NTRK3: variants seen among roughly 807,000 people sequenced by gnomAD.
NTRK3 encodes the protein neurotrophic receptor tyrosine kinase 3.
Under a neutral mutation model 91.7 loss-of-function variants are expected in NTRK3, and 24 were observed. That is an observed-to-expected ratio of 0.26 (90% CI 0.19 to 0.37). NTRK3 has a LOEUF of 0.37. Among genes scored for constraint, NTRK3 ranks in the 10% least tolerant of loss-of-function variants. NTRK3 has a pLI of 1.00. For missense variants in NTRK3, 880 were observed against 1,068.9 expected (o/e 0.82, Z 2.46); for synonymous variants, 483 against 404.0 (o/e 1.20, Z -2.34).
chr15:88,194,950 G>T (rs948747784), intron 3 of NTRK3, among the ~76,000 whole-genome samples: 2 of 152,164 alleles, frequency 1.3e-5, no homozygotes, highest in African/African-American at 2.4e-5. Flanking sequence ...CTTCTCCAGA[G>T]AAGCCTTCCC....
At chr15:88,112,964 G>T (rs999197577) in intron 13 of NTRK3, among the ~76,000 whole-genome samples, 1 of 152,152 alleles carries the variant, frequency 6.6e-6, no homozygotes. Context: ...CTTAGGCTGG[G>T]GGCTTAGAGG....
intron 14 of NTRK3, among the ~76,000 whole-genome samples, chr15:88,026,319 C>T (rs1003991079): frequency 3.9e-5 from 6 of 151,992 alleles, no homozygotes; most frequent in Non-Finnish European, 8.8e-5. Flanking sequence ...AATAAATGAG[C>T]GATCAAGCCA....
rs76633118 is a variant in NTRK3 at position 88,005,464 on chromosome 15, C to T, written c.1585+27393G>A. 1.7e-3 allele frequency among the ~76,000 whole-genome samples: 256 copies of T among 152,256 alleles called. 2 individuals carry two copies. The highest frequency in any genetic ancestry group is 5.8e-3 in the African/African-American group (239 of 41,552). On this transcript the variant is annotated intron_variant, in intron 14 of 18. Transcript: ENST00000394480. ...CTGCCCTTAAAGCCTAAAGTCTGTC[C>T]GCCCTAAAACACACTGTTCTGCATG...
intron 6 of NTRK3, among the ~76,000 whole-genome samples, chr15:88,146,939 CTTA>C (rs1212665722): frequency 2.6e-5 from 4 of 152,060 alleles, no homozygotes; most frequent in African/African-American, 9.7e-5. Context: ...ATATCTACCT[CTTA>C]TGACTCTTAT....
At chr15:87,891,871 C>T (rs1481112413) in intron 17 of NTRK3, among the ~76,000 whole-genome samples, 1 of 152,088 alleles carries the variant, frequency 6.6e-6, no homozygotes, top group East Asian at 1.9e-4. Flanking sequence ...TCTAGAATTT[C>T]CGTGCCATGT....
At position 87,860,932 on chromosome 15, in the gene NTRK3, A is replaced by G. The variant is rs145130406; in HGVS notation, c.*16003T>C. The stretch of plus-strand genomic sequence containing the variant: ...ACTGCTGTGGTCAACGTCTCCACCC[A>G]TAAATGATGACTTGGCAATACTGTA... On this transcript the variant is annotated 3_prime_UTR_variant, in exon 19 of 19. Coordinates refer to ENST00000394480, the Ensembl canonical transcript of NTRK3. 7.5e-4 allele frequency: 168 copies of G among 222,898 alleles called. 1 individual carries two copies. The East Asian group carries it at 0.01, about 14-fold the overall frequency. The allele number at this position is 222,898 out of a possible 1,614,324, so 13.8% of individuals were successfully genotyped here.
intron 13 of NTRK3, among the ~76,000 whole-genome samples, chr15:88,119,859 T>C (rs1243748892): frequency 6.6e-6 from 1 of 152,214 alleles, no homozygotes; most frequent in Non-Finnish European, 1.5e-5. Context: ...ACTATTTTAC[T>C]CAACAATACC....
intron 5 of NTRK3, among the ~76,000 whole-genome samples, chr15:88,166,528 G>C (rs901402114): frequency 1.3e-5 from 2 of 152,240 alleles, no homozygotes; most frequent in African/African-American, 4.8e-5. Context: ...CAGGAGGAAA[G>C]GGAGGGCTCC....
intron 14 of NTRK3, among the ~76,000 whole-genome samples, chr15:88,006,583 G>A (rs1233728317): frequency 6.6e-6 from 1 of 152,220 alleles, no homozygotes; most frequent in Non-Finnish European, 1.5e-5. Context: ...GCTTCAGGTG[G>A]AAATAAGAGA....
intron 18 of NTRK3, among the ~76,000 whole-genome samples, chr15:87,878,385 T>C (rs2065049235): frequency 6.6e-6 from 1 of 152,212 alleles, no homozygotes; most frequent in African/African-American, 2.4e-5. Context: ...GGTCAAACCA[T>C]CACTGTGTCA....
At chr15:88,133,095 T>C (rs1445962857) in intron 10 of NTRK3, among the ~76,000 whole-genome samples, 2 of 152,112 alleles carry the variant, frequency 1.3e-5, no homozygotes, top group African/African-American at 4.8e-5. Flanking sequence ...GCTTGAGAAC[T>C]TAAGTTTTAA....
intron 7 of NTRK3, among the ~76,000 whole-genome samples, chr15:88,136,833 T>C (rs1049079975): frequency 2.0e-5 from 3 of 152,202 alleles, no homozygotes; most frequent in Non-Finnish European, 2.9e-5. Flanking sequence ...GTCTCCCACA[T>C]TGCAGCGGCA....
chr15:88,209,046 A>T (rs2141390540), intron 3 of NTRK3, among the ~76,000 whole-genome samples: 1 of 152,364 alleles, frequency 6.6e-6, no homozygotes, highest in South Asian at 2.1e-4. Context: ...ATCTATGTGT[A>T]ATTATAATGG....
chr15:87,980,566 T>G (rs1255951439), intron 14 of NTRK3, among the ~76,000 whole-genome samples: 1 of 152,186 alleles, frequency 6.6e-6, no homozygotes, highest in Non-Finnish European at 1.5e-5. Context: ...TGTGTGTGAA[T>G]ATGTGCACAG....
intron 3 of NTRK3, among the ~76,000 whole-genome samples, chr15:88,244,995 G>A (rs1403917082): frequency 1.3e-5 from 2 of 152,200 alleles, no homozygotes; most frequent in African/African-American, 4.8e-5. Flanking sequence ...GTAGTTAAAG[G>A]CTTTGCCTGG....
chr15:87,994,859 T>C (rs2075570828), intron 14 of NTRK3, among the ~76,000 whole-genome samples: 1 of 152,050 alleles, frequency 6.6e-6, no homozygotes, highest in South Asian at 2.1e-4. Flanking sequence ...ACTGCAGCTG[T>C]GGAATTTAGA....
chr15:88,127,634 C>T (rs2053431149), intron 11 of NTRK3, among the ~76,000 whole-genome samples: 1 of 152,220 alleles, frequency 6.6e-6, no homozygotes, highest in African/African-American at 2.4e-5. Flanking sequence ...TGACATTCTG[C>T]TACTCCTTGC....
chr15:87,990,188 G>A (rs1378266546), intron 14 of NTRK3, among the ~76,000 whole-genome samples: 4 of 152,036 alleles, frequency 2.6e-5, no homozygotes, highest in Non-Finnish European at 4.4e-5. Context: ...CAACTTTATC[G>A]TCTCTCTCCC....
intron 13 of NTRK3, among the ~76,000 whole-genome samples, chr15:88,121,930 A>G (rs889038963): frequency 6.6e-6 from 1 of 152,246 alleles, no homozygotes; most frequent in Non-Finnish European, 1.5e-5. Context: ...CCCTTCCCCA[A>G]GCCAAAATTT....
Sources: allele counts gnomAD v4.1 joint callset (sites outside exome capture counted in the v4.1 genomes callset), GRCh38; gene constraint gnomAD v4.1.1; transcripts MANE v1.5; gene names NCBI Gene and HGNC (gene_info 2026-07-23, HGNC 2026-07-21).